Variants in PIR observed in about 807,000 individuals in gnomAD.
PIR encodes the protein pirin.
In PIR, 22 loss-of-function variants were observed where a neutral mutation model predicts 24.2. The observed-to-expected ratio is 0.91, with a 90% CI of 0.65 to 1.30. PIR has a LOEUF of 1.30. PIR is among the 50% of genes most tolerant of loss of function. The pLI is 0.00. For missense variants in PIR, 220 were observed against 220.3 expected (o/e 1.00, Z 0.01); for synonymous variants, 80 against 79.6 (o/e 1.00, Z -0.03).
At chrX:15,452,828 A>G (rs1011059314) in intron 5 of PIR, among the ~76,000 whole-genome samples, 9 of 112,290 alleles carry the variant, frequency 8.0e-5, no homozygotes, top group Non-Finnish European at 1.3e-4. Flanking sequence ...ACCCTCAGGT[A>G]ATTCACATGA....
chrX:15,456,721 T>G (rs1354721421), intron 4 of PIR, among the ~76,000 whole-genome samples: 1 of 112,344 alleles, frequency 8.9e-6, no homozygotes, highest in Non-Finnish European at 1.9e-5. Context: ...ACAAATACAT[T>G]TGGAGGTCCC....
At chrX:15,387,073 C>CTTTTTTTTTTTTTTTTTTTTTTT (rs764572854) in intron 9 of PIR, among the ~76,000 whole-genome samples, 1 of 12,698 alleles carries the variant, frequency 7.9e-5, no homozygotes, top group Non-Finnish European at 1.5e-4. Context: ...CTTTTCTTTT[C>CTTTTTTTTTTTTTTTTTTTTTTT]TTTTTTTTTT....
intron 6 of PIR, among the ~76,000 whole-genome samples, chrX:15,413,655 G>A (rs926289832): frequency 8.9e-6 from 1 of 112,291 alleles, no homozygotes; most frequent in African/African-American, 3.2e-5. Flanking sequence ...CTGAACTTGT[G>A]AGAATTCCAT....
chrX:15,409,358 A>G (rs951623906), intron 6 of PIR, among the ~76,000 whole-genome samples: 1 of 109,769 alleles, frequency 9.1e-6, no homozygotes, highest in Admixed American at 9.7e-5. Flanking sequence ...CGGCCTCCCA[A>G]AGTGCTGGGA....
chrX:15,393,139 C>T (rs1480589251), intron 8 of PIR, among the ~76,000 whole-genome samples: 2 of 112,346 alleles, frequency 1.8e-5, no homozygotes, highest in Non-Finnish European at 3.8e-5. Context: ...CCCCAACTAA[C>T]GTTCACCATC....
intron 3 of PIR, among the ~76,000 whole-genome samples, chrX:15,475,381 G>A (rs1329383881): frequency 9.0e-6 from 1 of 111,379 alleles, no homozygotes; most frequent in Non-Finnish European, 1.9e-5. Flanking sequence ...TGAGAACACA[G>A]TAGACAAGGC....
At position 15,407,561 on chromosome X, in the gene PIR, C is replaced by A. The variant is rs1383113925; in HGVS notation, c.566-11G>T. ...TGAAGCTTGTCCACCCTGGAAAGGACCAGCAACATTAACATGTTAGTGTCC... is the reference window on the plus strand; with the variant it reads ...TGAAGCTTGTCCACCCTGGAAAGGAACAGCAACATTAACATGTTAGTGTCC... On this transcript the variant is annotated splice_polypyrimidine_tract_variant and intron_variant, in intron 6 of 9. Coordinates refer to ENST00000380420, the MANE Select transcript of PIR (RefSeq NM_001018109.3). The A allele has an allele frequency of 1.0e-5, 12 of 1,169,715 alleles. No homozygotes were observed. The highest frequency in any genetic ancestry group is 1.4e-5 in the Non-Finnish European group (12 of 858,363).
chrX:15,441,237 T>C (rs367890021), intron 5 of PIR, among the ~76,000 whole-genome samples: 5 of 112,173 alleles, frequency 4.5e-5, no homozygotes, highest in African/African-American at 1.6e-4. Context: ...ATTTTAATTC[T>C]AGTTTATTTT....
intron 8 of PIR, 62 bp from the exon 9 acceptor site, chrX:15,390,313 A>C (rs1555951773): frequency 4.7e-6 from 3 of 643,408 alleles, no homozygotes; most frequent in Non-Finnish European, 7.3e-6. Flanking sequence ...TCAAATTGTG[A>C]ACAATTTGAA....
rs1356176104 is a variant in PIR at position 15,479,750 on chromosome X, A to C, written c.168T>G (p.His56Gln). 1 of 1,166,302 alleles carries C rather than the reference A, an allele frequency of 8.6e-7. No homozygotes were observed. Among genetic ancestry groups the C allele is most frequent in the Non-Finnish European group, 1.2e-6 (1 of 860,457 alleles). ...TTACTGTTTCAAAACCTCGATGTGG[A>C]TGATCAGGAAATCCTCCTGGTCTAC... ...KGGRPGGFPD[H>Q]PHRGFETVSY... The change falls in exon 3 of 10, where the codon CAT becomes CAG. Residue 56 changes from histidine (H) to glutamine (Q), a missense_variant. Coordinates refer to ENST00000380420, the MANE Select transcript of PIR (RefSeq NM_001018109.3).
At chrX:15,424,970 G>C (rs1347665969) in intron 6 of PIR, among the ~76,000 whole-genome samples, 4 of 109,821 alleles carry the variant, frequency 3.6e-5, no homozygotes, top group Non-Finnish European at 7.6e-5. Flanking sequence ...CTGCACTTTA[G>C]CCTGGGTAAC....
chrX:15,476,045 A>C (rs1922175870), intron 3 of PIR, among the ~76,000 whole-genome samples: 1 of 112,311 alleles, frequency 8.9e-6, no homozygotes, highest in African/African-American at 3.2e-5. Context: ...CTGATTTGGA[A>C]GATCTAGACC....
chrX:15,476,892 T>A (rs1007619682), intron 3 of PIR, among the ~76,000 whole-genome samples: 6 of 111,962 alleles, frequency 5.4e-5, no homozygotes, highest in Admixed American at 9.5e-5. Context: ...TATCAGTTGG[T>A]ACAACCATCA....
chrX:15,444,480 T>G (rs1428855857), intron 5 of PIR, among the ~76,000 whole-genome samples: 1 of 111,817 alleles, frequency 8.9e-6, no homozygotes, highest in East Asian at 2.8e-4. Context: ...TTTATTACAG[T>G]GATCTGGAAC....
chrX:15,416,391 A>T (rs888741982), intron 6 of PIR, among the ~76,000 whole-genome samples: 9 of 112,073 alleles, frequency 8.0e-5, no homozygotes, highest in African/African-American at 2.6e-4. Flanking sequence ...CTATGAAAAA[A>T]CAGGCAAGAA....
rs192456745 is a variant in PIR, at chrX:15,480,774, C to G, written c.97-953G>C. 2.2e-3 allele frequency among the ~76,000 whole-genome samples: 245 copies of G among 112,339 alleles called. 1 individual carries two copies. Among genetic ancestry groups the G allele is most frequent in the African/African-American group, 7.4e-3 (229 of 30,997 alleles). On this transcript the variant is annotated intron_variant, in intron 2 of 9. Transcript: ENST00000380420. ...TACTAATCTGTTGGGGCAAAAGATG[C>G]ATATGGAATTATGAGATACATGGGC...
intron 5 of PIR, 39 bp from the exon 6 acceptor site, chrX:15,426,029 G>T: frequency 1.1e-6 from 1 of 894,807 alleles, no homozygotes; most frequent in Non-Finnish European, 1.6e-6. Context: ...TTTTTTCTAA[G>T]AATAAGGTTC....
chrX:15,485,155 CTGTT>C (rs1394925689), intron 2 of PIR, among the ~76,000 whole-genome samples: 3 of 112,317 alleles, frequency 2.7e-5, no homozygotes, highest in African/African-American at 9.7e-5. Flanking sequence ...CTGTCTTAGT[CTGTT>C]TGAGTTGCTA....
At chrX:15,451,400 GA>G (rs75275359) in intron 5 of PIR, among the ~76,000 whole-genome samples, 1,577 of 96,933 alleles carry the variant, frequency 0.016, 31 homozygotes, top group African/African-American at 0.054. Context: ...CACATTTAAA[GA>G]AAAAAAAAAA....
Sources: allele counts gnomAD v4.1 joint callset (sites outside exome capture counted in the v4.1 genomes callset), GRCh38; gene constraint gnomAD v4.1.1; transcripts MANE v1.5; gene names NCBI Gene and HGNC (gene_info 2026-07-23, HGNC 2026-07-21).